Variants in RMC1 observed in about 807,000 individuals in gnomAD.
RMC1 encodes the protein regulator of MON1-CCZ1, also known as regulator of MON1-CCZ1 complex.
Under a neutral mutation model 95.5 loss-of-function variants are expected in RMC1, and 44 were observed. The ratio of observed to expected loss-of-function variants is 0.46; its 90% CI spans 0.36 to 0.59. The LOEUF is 0.59. Ranked by LOEUF, RMC1 falls within the 20% of genes least tolerant of loss-of-function variation. The pLI, the probability that RMC1 is intolerant of heterozygous loss-of-function variation, is 0.00. For missense variants in RMC1, 705 were observed against 819.6 expected, an observed-to-expected ratio of 0.86 and a Z score of 1.71; for synonymous variants, 320 against 303.6, an observed-to-expected ratio of 1.05 and a Z score of -0.56.
chr18:23,515,690 G>A (rs748840374), intron 5 of RMC1, among the ~76,000 whole-genome samples, 166 bp from the exon 6 acceptor site: 19 of 152,082 alleles, frequency 1.2e-4, no homozygotes, highest in African/African-American at 4.1e-4. Flanking sequence ...GTGCCACCAC[G>A]CCTGGCTAAT....
intron 2 of RMC1, chr18:23,506,680 G>C: frequency 3.5e-6 from 1 of 284,794 alleles, no homozygotes; most frequent in Non-Finnish European, 6.7e-6. Flanking sequence ...GAAGGCTCCT[G>C]AGCGGGTCTA....
rs774371052 is a variant in RMC1, at chr18:23,526,732, T to C, written c.1156T>C (p.Cys386Arg). ...LMDFLLQRKECKMVILSVCSQ... is the reference protein window; with the variant it reads ...LMDFLLQRKERKMVILSVCSQ... Reference sequence around the variant, plus strand: ...GGACTTTCTCCTCCAGAGAAAGGAATGCAAGATGGTCATCCTGTCTGTCTG... The same window carrying C: ...GGACTTTCTCCTCCAGAGAAAGGAACGCAAGATGGTCATCCTGTCTGTCTG... The change falls in exon 13 of 20, where the codon TGC becomes CGC. Residue 386 changes from cysteine (C) to arginine (R), a missense_variant. Cys to Arg is a radical substitution (Grantham distance 180). Transcript: ENST00000269221. 1 of 1,614,188 alleles carries C rather than the reference T, an allele frequency of 6.2e-7. No individual in the cohort carries two copies. Among genetic ancestry groups the C allele is most frequent in the Non-Finnish European group, 8.5e-7 (1 of 1,180,030 alleles).
At chr18:23,521,707 T>TC (rs34406870) in intron 10 of RMC1, among the ~76,000 whole-genome samples, 30 of 151,720 alleles carry the variant, frequency 2.0e-4, no homozygotes, top group African/African-American at 5.1e-4. Context: ...TTTTTTTTTT[T>TC]CCTTAAACAG....
intron 4 of RMC1, among the ~76,000 whole-genome samples, chr18:23,508,258 A>G (rs2057762918): frequency 6.6e-6 from 1 of 152,118 alleles, no homozygotes; most frequent in Non-Finnish European, 1.5e-5. Context: ...GGAGGGTTCA[A>G]TGGATGATGC....
At chr18:23,508,070 T>A in intron 4 of RMC1, 29 bp downstream of exon 4, 1 of 1,587,324 alleles carries the variant, frequency 6.3e-7, no homozygotes, top group Non-Finnish European at 8.6e-7. Context: ...TCTCAGCTGC[T>A]GGTGTCAGTG....
rs1477168258 is a variant in RMC1, at chr18:23,519,126, C to T, written c.801C>T (p.Ala267=). The change falls in exon 9 of 20, where the codon GCC becomes GCT. Residue 267 remains alanine (A), a synonymous_variant. Coordinates refer to ENST00000269221, the MANE Select transcript of RMC1 (RefSeq NM_013326.5). Reference sequence around the variant, plus strand: ...AGTTAAATAGGACGGGAAAGTTTGCCCTGAACGTGGTGGACAACCTGGTAG... The same window carrying T: ...AGTTAAATAGGACGGGAAAGTTTGCTCTGAACGTGGTGGACAACCTGGTAG... ...ILKLNRTGKF[A]LNVVDNLVVV... is the part of the protein sequence containing the mutation. 12 of 1,614,112 alleles carry T rather than the reference C, an allele frequency of 7.4e-6. No individual in the cohort carries two copies. The highest frequency in any genetic ancestry group is 1.0e-5 in the Non-Finnish European group (12 of 1,180,030).
chr18:23,513,236 G>A (rs1358232755), intron 5 of RMC1, among the ~76,000 whole-genome samples: 1 of 152,214 alleles, frequency 6.6e-6, no homozygotes. Context: ...TTACAGGCGT[G>A]AGCCACTGTG....
intron 10 of RMC1, among the ~76,000 whole-genome samples, chr18:23,521,532 C>T (rs756115949): frequency 9.2e-5 from 14 of 152,172 alleles, no homozygotes; most frequent in Non-Finnish European, 1.8e-4. Context: ...TTACCCAAAT[C>T]AGTCCTCCTT....
chr18:23,519,282 C>A, intron 9 of RMC1, 108 bp downstream of exon 9: 1 of 919,112 alleles, frequency 1.1e-6, no homozygotes, highest in Non-Finnish European at 1.7e-6. Context: ...CTTTGGGAGG[C>A]CAAGGCGGAC....
intron 6 of RMC1, 142 bp downstream of exon 6, chr18:23,516,138 A>G: frequency 7.3e-7 from 1 of 1,367,380 alleles, no homozygotes; most frequent in East Asian, 2.3e-5. Context: ...CACTCTGTAT[A>G]CCCGTCAGCT....
chr18:23,513,337 A>G (rs563512617), intron 5 of RMC1, among the ~76,000 whole-genome samples: 1 of 152,304 alleles, frequency 6.6e-6, no homozygotes, highest in South Asian at 2.1e-4. Context: ...ATCTACCATA[A>G]TTTCCTACAG....
chr18:23,508,251 G>T (rs1223764234), intron 4 of RMC1, among the ~76,000 whole-genome samples: 1 of 152,172 alleles, frequency 6.6e-6, no homozygotes, highest in Non-Finnish European at 1.5e-5. Flanking sequence ...TGGAGGGGGA[G>T]GGTTCAATGG....
chr18:23,531,193 A>G (rs1598924086), intron 19 of RMC1, among the ~76,000 whole-genome samples: 1 of 151,884 alleles, frequency 6.6e-6, no homozygotes, highest in East Asian at 1.9e-4. Context: ...GTTTTACTAT[A>G]TTGTCCAGGC....
At chr18:23,518,090 C>T (rs2145199989) in intron 7 of RMC1, among the ~76,000 whole-genome samples, 1 of 152,364 alleles carries the variant, frequency 6.6e-6, no homozygotes, top group African/African-American at 2.4e-5. Flanking sequence ...CTGTTCCCTC[C>T]CACCTTGGTC....
chr18:23,509,267 C>A lies in RMC1; in HGVS notation c.396C>A (p.Ile132=). The A allele has an allele frequency of 3.5e-6, 5 of 1,428,750 alleles. No individual in the cohort carries two copies. Among genetic ancestry groups the A allele is most frequent in the Non-Finnish European group, 4.6e-6 (5 of 1,081,352 alleles). The allele number at this position is 1,428,750 out of a possible 1,614,324, so 88.5% of individuals were successfully genotyped here. A position where few individuals can be genotyped will look rare whatever the true frequency, so the allele number is the denominator to read the frequency against. ...TEIVFITDQG[I]EFYQVLPEKR... ...TTGTCTTCATAACAGATCAAGGAAT[C>A]GAATTTTACCAGGTATTATGTTTAT... The change falls in exon 5 of 20, where the codon ATC becomes ATA. Residue 132 remains isoleucine, a synonymous_variant. Coordinates refer to ENST00000269221, the MANE Select transcript of RMC1 (RefSeq NM_013326.5).
intron 19 of RMC1, chr18:23,531,333 ATCATC>A: frequency 2.9e-6 from 1 of 346,772 alleles, no homozygotes; most frequent in South Asian, 5.0e-5. Context: ...AACCTAAGAC[ATCATC>A]TTTAGGATAG....
intron 12 of RMC1, among the ~76,000 whole-genome samples, chr18:23,525,350 C>T (rs920218113): frequency 1.2e-4 from 18 of 152,204 alleles, no homozygotes; most frequent in East Asian, 1.9e-4. Context: ...TGGGCTCAGG[C>T]GATCCTCCTG....
At chr18:23,512,468 T>TCC (rs1308106074) in intron 5 of RMC1, among the ~76,000 whole-genome samples, 2 of 152,236 alleles carry the variant, frequency 1.3e-5, no homozygotes, top group East Asian at 3.8e-4. Flanking sequence ...TCACCCAGGC[T>TCC]GGAGTACAGT....
chr18:23,528,019 C>A, intron 14 of RMC1, 118 bp downstream of exon 14: 1 of 844,944 alleles, frequency 1.2e-6, no homozygotes. Flanking sequence ...CTGAGATTTG[C>A]CGCCTGCCAT....
Sources: allele counts gnomAD v4.1 joint callset (sites outside exome capture counted in the v4.1 genomes callset), GRCh38; gene constraint gnomAD v4.1.1; transcripts MANE v1.5; gene names NCBI Gene and HGNC (gene_info 2026-07-23, HGNC 2026-07-21).